ANKDD1A: variants seen among roughly 807,000 people sequenced by gnomAD.
ANKDD1A encodes ankyrin repeat and death domain-containing protein 1A.
ANKDD1A carries 59 observed loss-of-function variants against 63.5 expected under a neutral mutation model. The ratio of observed to expected loss-of-function variants is 0.93; its 90% CI spans 0.75 to 1.15. The LOEUF (loss-of-function observed/expected upper bound fraction) is 1.15, where lower values mean the gene tolerates loss of function less well. Among genes scored for constraint, ANKDD1A ranks in the 50% most tolerant of loss-of-function variants. The pLI is 0.00. For missense variants in ANKDD1A, 632 were observed against 656.4 expected (o/e 0.96, Z 0.41); for synonymous variants, 266 against 263.9 (o/e 1.01, Z -0.08).
intron 14 of ANKDD1A, among the ~76,000 whole-genome samples, chr15:64,954,930 CCTT>C (rs145149466): frequency 1.3e-4 from 19 of 147,936 alleles, no homozygotes; most frequent in African/African-American, 3.8e-4. Context: ...TCCTTCTTCT[CCTT>C]CTTCTTGTCT....
Position 64,952,050 on chromosome 15 carries a change from T to G in ANKDD1A, c.1483+2078T>G, listed in dbSNP as rs1392972095. Among the ~76,000 whole-genome samples the G allele has an allele frequency of 2.2e-5, 3 of 137,242 alleles. No individual in the cohort carries two copies. The East Asian group carries it at 6.2e-4, about 29-fold the overall frequency. 90.0% of individuals were successfully genotyped at this position (137,242 alleles called of 152,430 possible). ...TTTTCTTCTTCTTTCCTCTTCTTTC[T>G]TCTTCTTAGTTCTTCCTTTCTTCTT... is the stretch of plus-strand genomic sequence containing the variant. On this transcript the variant is annotated intron_variant, in intron 14 of 14. Transcript: ENST00000319580.
Position 64,940,394 on chromosome 15 carries a change from T to TGGTA in ANKDD1A, c.868-2072_868-2071insGTAG, listed in dbSNP as rs1555442484. On this transcript the variant is annotated intron_variant, in intron 9 of 14. Transcript: ENST00000319580. ...CCATCCATGGTGGGGATAGGATGAT[T>TGGTA]GATAGATAGATAGATAGATAGATAG... Among the ~76,000 whole-genome samples, 423 of 93,064 alleles carry TGGTA rather than the reference T, an allele frequency of 4.5e-3. 3 individuals carry two copies. The highest frequency in any genetic ancestry group is 0.014 in the African/African-American group (403 of 27,816). The allele number at this position is 93,064 out of a possible 152,430, so 61.1% of individuals were successfully genotyped here. A position where few individuals can be genotyped will look rare whatever the true frequency, so the allele number is the denominator to read the frequency against.
At chr15:64,923,337 A>G (rs2085021514) in intron 4 of ANKDD1A, among the ~76,000 whole-genome samples, 1 of 152,206 alleles carries the variant, frequency 6.6e-6, no homozygotes, top group African/African-American at 2.4e-5. Flanking sequence ...TGCCAACCCA[A>G]TTTAGAGTTC....
intron 6 of ANKDD1A, among the ~76,000 whole-genome samples, 157 bp from the exon 7 acceptor site, chr15:64,930,665 G>A (rs771986374): frequency 1.3e-5 from 2 of 152,232 alleles, no homozygotes; most frequent in African/African-American, 2.4e-5. Context: ...AGAAAGACCA[G>A]GGCTTGGCCC....
At chr15:64,935,926 A>G (rs2085128291) in intron 9 of ANKDD1A, among the ~76,000 whole-genome samples, 2 of 152,198 alleles carry the variant, frequency 1.3e-5, no homozygotes, top group Admixed American at 1.3e-4. Context: ...AAGCTGAATT[A>G]AATAATTAAA....
chr15:64,954,652 CTCCTTCTTT>C (rs1236826226), intron 14 of ANKDD1A, among the ~76,000 whole-genome samples: 5 of 142,670 alleles, frequency 3.5e-5, no homozygotes, highest in African/African-American at 1.3e-4. Context: ...CCTTCTTCTT[CTCCTTCTTT>C]CTTCTTGTCT....
At chr15:64,950,369 A>G in intron 14 of ANKDD1A, 1 of 985,446 alleles carries the variant, frequency 1.0e-6, no homozygotes, top group Non-Finnish European at 1.2e-6. Context: ...GAGTTGAACC[A>G]GTCAAATCTG....
Position 64,934,228 on chromosome 15 carries a change from T to C in ANKDD1A, c.861T>C (p.Val287=). The change falls in exon 9 of 15, where the codon GTT becomes GTC. Residue 287 remains valine, a synonymous_variant. Transcript: ENST00000319580. The part of the protein sequence containing the change: ...LIHAGGCANV[V]DHQGASPLHL... ...ACGCAGGAGGCTGCGCCAACGTGGT[T>C]GATCATGTAAGTATGGTGCGAGTGT... 6.2e-7 allele frequency: 1 copy of C among 1,612,142 alleles called. No individual in the cohort carries two copies. The highest frequency in any genetic ancestry group is 8.5e-7 in the Non-Finnish European group (1 of 1,179,032).
chr15:64,950,331 G>A (rs1175370296), intron 14 of ANKDD1A: 2 of 985,086 alleles, frequency 2.0e-6, no homozygotes, highest in Non-Finnish European at 2.4e-6. Flanking sequence ...CAAACATTAA[G>A]ACATAGGAGC....
chr15:64,944,570 G>A (rs773222497), intron 11 of ANKDD1A, 82 bp from the exon 12 acceptor site: 194 of 1,297,080 alleles, frequency 1.5e-4, no homozygotes, highest in Non-Finnish European at 1.9e-4. Flanking sequence ...CTGTGGGCAG[G>A]AGGGTTTGTC....
intron 9 of ANKDD1A, among the ~76,000 whole-genome samples, chr15:64,935,221 G>A (rs2085120075): frequency 2.6e-5 from 2 of 76,334 alleles, no homozygotes; most frequent in Admixed American, 3.6e-4. Flanking sequence ...GTGAGACTCT[G>A]TCTCAAAAAA....
chr15:64,918,609 A>G (rs986389624), intron 3 of ANKDD1A, among the ~76,000 whole-genome samples: 10 of 152,246 alleles, frequency 6.6e-5, no homozygotes, highest in African/African-American at 2.2e-4. Context: ...TCAGGGGTTT[A>G]GTGAGAAAAG....
intron 3 of ANKDD1A, among the ~76,000 whole-genome samples, chr15:64,919,402 G>A (rs569262040): frequency 7.2e-5 from 11 of 152,312 alleles, no homozygotes; most frequent in Admixed American, 3.9e-4. Context: ...TGGCCTCTTC[G>A]GCTCTAGTTA....
rs143108176 is a variant in ANKDD1A, at chr15:64,954,877, C to CCTTCTTCTCCTCCTCCTTCTTCCTT, written c.1484-2221_1484-2220insTCTCCTCCTCCTTCTTCCTTCTTCT. Among the ~76,000 whole-genome samples, 3 of 145,980 alleles carry CCTTCTTCTCCTCCTCCTTCTTCCTT rather than the reference C, an allele frequency of 2.1e-5. No homozygotes were observed. In the South Asian group the frequency reaches 6.4e-4, roughly 31 times the overall value. On this transcript the variant is annotated intron_variant, in intron 14 of 14. Coordinates refer to ENST00000319580, the MANE Select transcript of ANKDD1A (RefSeq NM_182703.6). ...TCTTCTTTCTTCTCCTTTTCTTCTT[C>CCTTCTTCTCCTCCTCCTTCTTCCTT]CTTCTCCTCCTCCTTCTTCCTTCTT...
intron 10 of ANKDD1A, 24 bp downstream of exon 10, chr15:64,942,589 G>C (rs764457020): frequency 1.3e-6 from 2 of 1,594,282 alleles, no homozygotes; most frequent in South Asian, 2.3e-5. Context: ...GAGACCTTCC[G>C]GGCCCCAGGG....
At chr15:64,951,569 C>CTTTTTTTT (rs1469623465) in intron 14 of ANKDD1A, 7 of 8,108 alleles carry the variant, frequency 8.6e-4, no homozygotes, top group Non-Finnish European at 2.2e-3. Flanking sequence ...TTTTTCTTTT[C>CTTTTTTTT]TTTCTTCTTC....
At chr15:64,913,994 T>TTTC (rs1567108492) in intron 1 of ANKDD1A, 1 of 38,164 alleles carries the variant, frequency 2.6e-5, no homozygotes, top group African/African-American at 5.4e-5. Flanking sequence ...TTCTGTTTTC[T>TTTC]TTTTTTTTTT....
intron 12 of ANKDD1A, among the ~76,000 whole-genome samples, chr15:64,947,074 G>C (rs923666160): frequency 6.6e-6 from 1 of 152,198 alleles, no homozygotes; most frequent in East Asian, 1.9e-4. Flanking sequence ...ACACAGGAAA[G>C]AGAGGCAGGT....
intron 9 of ANKDD1A, among the ~76,000 whole-genome samples, chr15:64,936,603 C>T (rs1245168441): frequency 6.6e-6 from 1 of 152,124 alleles, no homozygotes; most frequent in Non-Finnish European, 1.5e-5. Flanking sequence ...CTTTGGAAGG[C>T]TGAGGTGGGA....
Sources: allele counts gnomAD v4.1 joint callset (sites outside exome capture counted in the v4.1 genomes callset), GRCh38; gene constraint gnomAD v4.1.1; transcripts MANE v1.5; gene names NCBI Gene and HGNC (gene_info 2026-07-23, HGNC 2026-07-21).